Variants in OSBPL6 observed in about 807,000 individuals in gnomAD.
OSBPL6 encodes the protein oxysterol binding protein like 6.
A neutral mutation model predicts 125.8 loss-of-function variants in OSBPL6; 49 were observed. That is an observed-to-expected ratio of 0.39 (90% CI 0.31 to 0.49). The LOEUF (loss-of-function observed/expected upper bound fraction) is 0.49, where lower values mean the gene tolerates loss of function less well. OSBPL6 is among the 20% of genes least tolerant of loss of function. The pLI, the probability that OSBPL6 is intolerant of heterozygous loss-of-function variation, is 0.88. For missense variants in OSBPL6, 986 were observed against 1,135.4 expected, an observed-to-expected ratio of 0.87 and a Z score of 1.89; for synonymous variants, 394 against 391.8, an observed-to-expected ratio of 1.01 and a Z score of -0.07.
chr2:178,332,366 A>G (rs1214808054), intron 6 of OSBPL6, among the ~76,000 whole-genome samples: 1 of 152,244 alleles, frequency 6.6e-6, no homozygotes, highest in African/African-American at 2.4e-5. Flanking sequence ...AAGCTGTGCA[A>G]TCTAGAATTA....
chr2:178,322,421 A>C (rs1401893364), intron 3 of OSBPL6, among the ~76,000 whole-genome samples: 2 of 152,176 alleles, frequency 1.3e-5, no homozygotes, highest in Non-Finnish European at 2.9e-5. Flanking sequence ...CTTACAAAGA[A>C]GTCCTAACCA....
At chr2:178,194,943 G>T (rs1157748482) in intron 1 of OSBPL6, among the ~76,000 whole-genome samples, 2 of 152,116 alleles carry the variant, frequency 1.3e-5, no homozygotes, top group Non-Finnish European at 2.9e-5. Context: ...CCGGTTTGCC[G>T]CCCTCCCTCC....
chr2:178,199,443 G>A (rs1032750767), intron 1 of OSBPL6, among the ~76,000 whole-genome samples: 2 of 152,154 alleles, frequency 1.3e-5, no homozygotes, highest in Non-Finnish European at 2.9e-5. Flanking sequence ...CTTTCTAGAA[G>A]GCCGACTGAT....
In OSBPL6 at chr2:178,328,277, A is replaced by G. The variant is rs1688873517; in HGVS notation, c.217A>G (p.Ile73Val). Residue 73 changes from isoleucine (I) to valine (V), a missense_variant, in exon 5 of 25, where the codon ATA becomes GTA. Coordinates refer to ENST00000190611, the MANE Select transcript of OSBPL6 (RefSeq NM_032523.4). The stretch of plus-strand genomic sequence containing the variant: ...TCAGGAAGCTGACAGCTGGGAAATT[A>G]TAGAAGGGCTGAAAATAGGCCAAAC... ...LSKEADSWEI[I>V]EGLKIGQTNV... The G allele has an allele frequency of 3.1e-6, 5 of 1,613,776 alleles. No homozygotes were observed. Among genetic ancestry groups the G allele is most frequent in the Non-Finnish European group, 3.4e-6 (4 of 1,179,806 alleles).
chr2:178,205,802 T>C (rs1038389255), intron 1 of OSBPL6, among the ~76,000 whole-genome samples: 3 of 152,216 alleles, frequency 2.0e-5, no homozygotes, highest in Non-Finnish European at 4.4e-5. Context: ...TCCAGAATTG[T>C]TTGTCTAATC....
chr2:178,226,173 GA>G (rs1420548069), intron 1 of OSBPL6, among the ~76,000 whole-genome samples: 3 of 152,196 alleles, frequency 2.0e-5, no homozygotes, highest in Non-Finnish European at 4.4e-5. Context: ...GGTGGGCAAG[GA>G]GATGGGTTGG....
chr2:178,311,630 A>G (rs1279655009), intron 3 of OSBPL6, among the ~76,000 whole-genome samples: 1 of 152,206 alleles, frequency 6.6e-6, no homozygotes, highest in Non-Finnish European at 1.5e-5. Context: ...CAGGATGGAG[A>G]GAAGATTGGG....
chr2:178,291,829 T>TTCATC, intron 2 of OSBPL6, among the ~76,000 whole-genome samples: 1 of 109,110 alleles, frequency 9.2e-6, no homozygotes, highest in Non-Finnish European at 2.0e-5. Flanking sequence ...ATCCATCCAT[T>TTCATC]CATCCTTGAT....
chr2:178,334,277 T>C (rs1689478648), intron 8 of OSBPL6, among the ~76,000 whole-genome samples: 1 of 152,162 alleles, frequency 6.6e-6, no homozygotes, highest in South Asian at 2.1e-4. Context: ...CACAGTACGT[T>C]GTGTTCAAGA....
At chr2:178,390,720 T>G (rs759616217) in intron 21 of OSBPL6, among the ~76,000 whole-genome samples, 5 of 152,170 alleles carry the variant, frequency 3.3e-5, no homozygotes, top group Non-Finnish European at 5.9e-5. Context: ...ACAAACAATT[T>G]CTGCAGCATG....
At chr2:178,372,285 T>A in intron 14 of OSBPL6, 52 bp downstream of exon 14, 1 of 1,311,794 alleles carries the variant, frequency 7.6e-7, no homozygotes, top group South Asian at 1.3e-5. Context: ...GCATCTAAAT[T>A]TACTGCATAT....
At chr2:178,231,144 G>A (rs2090799756) in intron 1 of OSBPL6, among the ~76,000 whole-genome samples, 1 of 152,160 alleles carries the variant, frequency 6.6e-6, no homozygotes, top group African/African-American at 2.4e-5. Context: ...AGGCTGGCCT[G>A]TGGTGGACCT....
chr2:178,256,393 G>A (rs182883151), intron 1 of OSBPL6, among the ~76,000 whole-genome samples: 13 of 152,288 alleles, frequency 8.5e-5, no homozygotes, highest in East Asian at 3.9e-4. Flanking sequence ...TTGCTATGGC[G>A]TTGTGTAGTA....
At chr2:178,206,035 C>G (rs1381232896) in intron 1 of OSBPL6, among the ~76,000 whole-genome samples, 1 of 152,082 alleles carries the variant, frequency 6.6e-6, no homozygotes, top group Non-Finnish European at 1.5e-5. Context: ...TTGAGCCTAC[C>G]CAATATGCTG....
intron 12 of OSBPL6, among the ~76,000 whole-genome samples, chr2:178,356,248 C>T (rs1472801594): frequency 6.6e-6 from 1 of 152,080 alleles, no homozygotes; most frequent in African/African-American, 2.4e-5. Flanking sequence ...GGCAATCAGG[C>T]AAGAGAAAGA....
At chr2:178,223,878 TGCAC>T (rs2090442178) in intron 1 of OSBPL6, among the ~76,000 whole-genome samples, 3 of 152,230 alleles carry the variant, frequency 2.0e-5, no homozygotes, top group African/African-American at 7.2e-5. Context: ...TTTGGCTGAT[TGCAC>T]AGAGACTTTG....
At chr2:178,224,829 G>A (rs973192080) in intron 1 of OSBPL6, among the ~76,000 whole-genome samples, 1 of 152,216 alleles carries the variant, frequency 6.6e-6, no homozygotes, top group African/African-American at 2.4e-5. Context: ...CAGCTACTCA[G>A]GGGGCTGAGG....
intron 1 of OSBPL6, among the ~76,000 whole-genome samples, chr2:178,241,039 A>G (rs959757332): frequency 1.3e-5 from 2 of 152,116 alleles, no homozygotes; most frequent in African/African-American, 4.8e-5. Flanking sequence ...AGGGATTTCT[A>G]TGAAAATGGG....
chr2:178,341,402 G>A (rs1010713173), intron 11 of OSBPL6, among the ~76,000 whole-genome samples: 1 of 148,454 alleles, frequency 6.7e-6, no homozygotes, highest in African/African-American at 2.5e-5. Flanking sequence ...CTCTCAGCCT[G>A]TGGTTTTACA....
Sources: gnomAD v4.1 joint callset for allele counts (sites outside exome capture counted in the v4.1 genomes callset) on GRCh38, gnomAD v4.1.1 for gene constraint, MANE v1.5 for transcripts, NCBI Gene and HGNC (gene_info 2026-07-23, HGNC 2026-07-21) for gene names.